Variants in OAS2 observed in about 807,000 individuals in gnomAD.
OAS2 encodes the protein 2'-5'-oligoadenylate synthetase 2.
A neutral mutation model predicts 71.3 loss-of-function variants in OAS2; 67 were observed. The observed-to-expected ratio is 0.94, with a 90% CI of 0.77 to 1.15. OAS2 has a LOEUF of 1.15. OAS2 is among the 50% of genes most tolerant of loss of function. The pLI, the probability that OAS2 is intolerant of heterozygous loss-of-function variation, is 0.00. For missense variants in OAS2, 789 were observed against 822.5 expected, an observed-to-expected ratio of 0.96 and a Z score of 0.50; for synonymous variants, 327 against 321.8, an observed-to-expected ratio of 1.02 and a Z score of -0.17.
At position 112,983,928 on chromosome 12, in the gene OAS2, T is replaced by C. The variant is rs576108549; in HGVS notation, c.178-3110T>C. ...TGTGCTGATAAGAATGTGTATTCTG[T>C]AGCTGAATAAATAATCTGCAAATAT... On this transcript the variant is annotated intron_variant, in intron 1 of 9. Transcript: ENST00000392583. Among the ~76,000 whole-genome samples, 8 of 152,384 alleles carry C rather than the reference T, an allele frequency of 5.2e-5. No homozygotes were observed. In the South Asian group the frequency reaches 1.0e-3, roughly 20 times the overall value.
intron 2 of OAS2, chr12:112,987,934 T>G: frequency 1.0e-6 from 1 of 985,512 alleles, no homozygotes; most frequent in African/African-American, 1.7e-5. Flanking sequence ...TCTTGCATAT[T>G]GTTAAAGTAA....
Position 112,978,716 on chromosome 12 carries a change from G to A in OAS2, c.108G>A (p.Glu36=), listed in dbSNP as rs148059189. 2 of 1,614,200 alleles carry A rather than the reference G, an allele frequency of 1.2e-6. No homozygotes were observed. The highest frequency in any genetic ancestry group is 2.7e-5 in the African/African-American group (2 of 75,048). ...PYEECQTLID[E]MVNTICDVLQ... ...AAGAATGTCAGACACTGATCGACGA[G>A]ATGGTGAACACCATCTGTGACGTCC... The change falls in exon 1 of 10, where the codon GAG becomes GAA. Residue 36 remains glutamate (E), a synonymous_variant. Coordinates refer to ENST00000392583, the MANE Select transcript of OAS2 (RefSeq NM_002535.3). The surrounding 1 kb of genome is among the most constrained non-coding windows in gnomAD (Gnocchi z 4.2).
chr12:113,003,418 C>T (rs1479083108), intron 6 of OAS2, among the ~76,000 whole-genome samples: 2 of 152,194 alleles, frequency 1.3e-5, no homozygotes, highest in Non-Finnish European at 2.9e-5. Flanking sequence ...TGTCCTCCCC[C>T]TTCTCTTCTT....
chr12:112,992,582 C>T (rs1428372888), intron 2 of OAS2, among the ~76,000 whole-genome samples: 1 of 152,056 alleles, frequency 6.6e-6, no homozygotes, highest in African/African-American at 2.4e-5. Context: ...TCTGGGTTAC[C>T]AGGAACCATG....
rs144198504 is a variant in OAS2 at position 113,006,445 on chromosome 12, G to A, written c.1501G>A (p.Glu501Lys). Residue 501 changes from glutamate to lysine, a missense_variant, in exon 8 of 10, where the codon GAG becomes AAG. Physicochemically the swap from Glu to Lys is moderately conservative, Grantham distance 56. Transcript: ENST00000392583. ...QLSSGSTPSP[E>K]VYAGLIDLYK... ...GAGTTCTGGCTCCACACCCAGCCCC[G>A]AGGTTTATGCAGGGCTCATTGATCT... is the stretch of plus-strand genomic sequence containing the variant. The A allele has an allele frequency of 4.7e-5, 75 of 1,580,236 alleles. No individual in the cohort carries two copies. The highest frequency in any genetic ancestry group is 1.7e-4 in the Middle Eastern group (1 of 5,846).
rs778830527 is a variant in OAS2, at chr12:113,003,126, C to T, written c.1179+24C>T. Reference sequence around the variant, plus strand: ...GGGTGAGCACTGGCCTTTCTCATGTCTTGTTGGAATGATGTAATATTGGGC... The same window carrying T: ...GGGTGAGCACTGGCCTTTCTCATGTTTTGTTGGAATGATGTAATATTGGGC... On this transcript the variant is annotated intron_variant, in intron 6 of 9. Coordinates refer to ENST00000392583, the MANE Select transcript of OAS2 (RefSeq NM_002535.3). 5.0e-6 allele frequency: 8 copies of T among 1,611,908 alleles called. No homozygotes were observed. The South Asian group carries it at 7.7e-5, about 16-fold the overall frequency.
chr12:113,001,454 A>G (rs1179314533), intron 5 of OAS2, among the ~76,000 whole-genome samples: 1 of 148,706 alleles, frequency 6.7e-6, no homozygotes. Context: ...ATATACATAT[A>G]TACACATATA....
intron 8 of OAS2, among the ~76,000 whole-genome samples, chr12:113,007,087 C>A (rs1195059811): frequency 6.6e-6 from 1 of 152,196 alleles, no homozygotes; most frequent in Non-Finnish European, 1.5e-5. Flanking sequence ...CAGATTCATG[C>A]ACTGTAGGGT....
intron 2 of OAS2, among the ~76,000 whole-genome samples, chr12:112,989,582 G>C (rs1482298091): frequency 6.6e-6 from 1 of 152,218 alleles, no homozygotes; most frequent in African/African-American, 2.4e-5. Context: ...TGATGATAAA[G>C]GGTTGTGGAG....
In OAS2 at chr12:113,001,863, C is replaced by CA. The variant is rs71086131; in HGVS notation, c.1009-1044dup. Among the ~76,000 whole-genome samples, 213 of 21,826 alleles carry CA rather than the reference C, an allele frequency of 9.8e-3. 1 individual carries two copies. The highest frequency in any genetic ancestry group is 0.013 in the Non-Finnish European group (151 of 11,564). The allele number at this position is 21,826 out of a possible 152,430, so 14.3% of individuals were successfully genotyped here. A position where few individuals can be genotyped will look rare whatever the true frequency, so the allele number is the denominator to read the frequency against. On this transcript the variant is annotated intron_variant, in intron 5 of 9. Transcript: ENST00000392583. ...GAACCTAGTGAGACTCCCATCTCTACAAAAAAAAAAAAAAAAAAAAAAAAA... is the reference window on the plus strand; with the variant it reads ...GAACCTAGTGAGACTCCCATCTCTACAAAAAAAAAAAAAAAAAAAAAAAAAA...
intron 2 of OAS2, chr12:112,988,042 T>C: frequency 1.0e-6 from 1 of 985,414 alleles, no homozygotes; most frequent in Non-Finnish European, 1.2e-6. Flanking sequence ...ACAGGCTTAA[T>C]ACTTGGGTCT....
intron 5 of OAS2, among the ~76,000 whole-genome samples, chr12:113,001,288 C>A (rs2044284405): frequency 6.6e-6 from 1 of 151,908 alleles, no homozygotes; most frequent in Non-Finnish European, 1.5e-5. Flanking sequence ...GATTGTGCCA[C>A]TGCATTCAGC....
chr12:112,987,737 G>C, intron 2 of OAS2: 1 of 1,011,206 alleles, frequency 9.9e-7, no homozygotes, highest in South Asian at 4.6e-5. Flanking sequence ...AAGAGGATGA[G>C]GCAGACATCT....
chr12:113,009,189 T>A lies in OAS2; in HGVS notation c.1998T>A (p.Ser666=). The part of the protein sequence containing the change: ...LAKEAKEWLS[S]PCFKDGTGNP... ...AAGAAGCAAAGGAATGGTTATCCTC[T>A]CCCTGCTTCAAGGATGGGACTGGAA... The change falls in exon 10 of 10, where the codon TCT becomes TCA. Residue 666 remains serine (S), a synonymous_variant. Coordinates refer to ENST00000392583, the MANE Select transcript of OAS2 (RefSeq NM_002535.3). 6.2e-7 allele frequency: 1 copy of A among 1,614,100 alleles called. No homozygotes were observed. Among genetic ancestry groups the A allele is most frequent in the East Asian group, 2.2e-5 (1 of 44,872 alleles).
intron 2 of OAS2, chr12:112,987,802 A>G: frequency 1.0e-6 from 1 of 990,078 alleles, no homozygotes. Context: ...CCAGGTCAAA[A>G]TCAAGGCAAC....
chr12:113,006,030 T>C (rs2044332246), intron 7 of OAS2, among the ~76,000 whole-genome samples: 1 of 151,284 alleles, frequency 6.6e-6, no homozygotes, highest in Admixed American at 6.6e-5. Context: ...GAGATCTTTC[T>C]GTGATCATGA....
At chr12:112,983,756 C>T (rs927805586) in intron 1 of OAS2, among the ~76,000 whole-genome samples, 30 of 152,170 alleles carry the variant, frequency 2.0e-4, no homozygotes, top group African/African-American at 7.0e-4. Context: ...CGTATTTGTA[C>T]AATTTCCAAA....
At chr12:112,990,912 G>C (rs11066464) in intron 2 of OAS2, among the ~76,000 whole-genome samples, 3 of 152,098 alleles carry the variant, frequency 2.0e-5, no homozygotes, top group Non-Finnish European at 2.9e-5. Context: ...AGGTTTCTTT[G>C]GGGGTTCCCC....
chr12:112,995,444 G>T lies in OAS2; in HGVS notation c.597G>T (p.Leu199Phe). 2 of 1,613,998 alleles carry T rather than the reference G, an allele frequency of 1.2e-6. No individual in the cohort carries two copies. Among genetic ancestry groups the T allele is most frequent in the Middle Eastern group, 1.7e-4 (1 of 6,060 alleles). ...FDNRPGKLKD[L>F]ILLIKHWHQQ... is the part of the protein sequence containing the mutation. ...ACCGTCCTGGAAAACTAAAGGATTT[G>T]ATCCTCTTGATAAAGCACTGGCATC... is the stretch of plus-strand genomic sequence containing the variant. Residue 199 changes from leucine (L) to phenylalanine (F), a missense_variant, in exon 3 of 10, where the codon TTG (leucine) becomes TTT (phenylalanine). Coordinates refer to ENST00000392583, the MANE Select transcript of OAS2 (RefSeq NM_002535.3).
Sources: allele counts gnomAD v4.1 joint callset (sites outside exome capture counted in the v4.1 genomes callset), GRCh38; gene constraint gnomAD v4.1.1; non-coding constraint Gnocchi (gnomAD v3.1); transcripts MANE v1.5; gene names NCBI Gene and HGNC (gene_info 2026-07-23, HGNC 2026-07-21).